CCDC73: variants seen among roughly 807,000 people sequenced by gnomAD.
CCDC73 encodes coiled-coil domain containing 73.
CCDC73 carries 95 observed loss-of-function variants against 116.5 expected under a neutral mutation model. That is an observed-to-expected ratio of 0.82 (90% CI 0.69 to 0.97). The LOEUF is 0.97. Among genes scored for constraint, CCDC73 ranks in the 50% least tolerant of loss-of-function variants. CCDC73 has a pLI of 0.00. For missense variants in CCDC73, 1,066 were observed against 1,206.8 expected (o/e 0.88, Z 1.73); for synonymous variants, 398 against 401.3 (o/e 0.99, Z 0.10).
chr11:32,783,477 G>A (rs1850600330), intron 1 of CCDC73, among the ~76,000 whole-genome samples: 1 of 152,120 alleles, frequency 6.6e-6, no homozygotes, highest in Non-Finnish European at 1.5e-5. Context: ...TATCAGACCA[G>A]GTGGCTTATA....
intron 9 of CCDC73, among the ~76,000 whole-genome samples, chr11:32,670,521 C>CAA (rs11334231): frequency 1.4e-5 from 2 of 138,594 alleles, no homozygotes; most frequent in African/African-American, 5.4e-5. Context: ...GGCTCTGTCT[C>CAA]AAAAAAAAAA....
At chr11:32,809,319 G>C in the CCDC73 span, among the ~76,000 whole-genome samples, 3 of 152,178 alleles carry the variant, frequency 2.0e-5, no homozygotes, top group Admixed American at 1.3e-4. Context: ...AAGCATGGAG[G>C]AGTAGATCCA....
intron 1 of CCDC73, among the ~76,000 whole-genome samples, chr11:32,764,043 C>T (rs757406770): frequency 2.0e-5 from 3 of 151,910 alleles, no homozygotes; most frequent in Admixed American, 6.6e-5. Context: ...TGAAACAAAG[C>T]GAGAAGAGAA....
chr11:32,611,595 C>A (rs894813282), intron 16 of CCDC73, among the ~76,000 whole-genome samples: 3 of 152,098 alleles, frequency 2.0e-5, no homozygotes, highest in Admixed American at 1.3e-4. Context: ...ATTTCCCACA[C>A]ATGTAAGCAT....
intron 2 of CCDC73, among the ~76,000 whole-genome samples, chr11:32,728,544 C>A (rs553115920): frequency 6.6e-6 from 1 of 152,152 alleles, no homozygotes; most frequent in South Asian, 2.1e-4. Flanking sequence ...ATATTTAGAT[C>A]CCAAGATCTG....
rs1206459715 is a variant in CCDC73 at position 32,699,280 on chromosome 11, C to G, written c.361G>C (p.Gly121Arg). The G allele has an allele frequency of 4.4e-6, 7 of 1,577,456 alleles. No homozygotes were observed. The highest frequency in any genetic ancestry group is 2.7e-5 in the African/African-American group (2 of 73,930). The change falls in exon 6 of 18, where the codon GGA becomes CGA. Residue 121 changes from glycine (G) to arginine (R), a missense_variant. Physicochemically the swap from Gly to Arg is moderately radical, Grantham distance 125. Transcript: ENST00000335185. The stretch of plus-strand genomic sequence containing the variant: ...AGTGCTTTTAATGTTTCCTTCAATC[C>G]TTCTATTTCTTTTTCCTTTATTTCT... ...ATEIKEKEIE[G>R]LKETLKALQV...
chr11:32,619,974 C>T (rs778449418), intron 14 of CCDC73, among the ~76,000 whole-genome samples: 12 of 151,954 alleles, frequency 7.9e-5, no homozygotes, highest in South Asian at 6.2e-4. Context: ...GATAAAATGC[C>T]GATGAAAATC....
At chr11:32,655,951 T>C (rs950249591) in intron 9 of CCDC73, among the ~76,000 whole-genome samples, 4 of 152,240 alleles carry the variant, frequency 2.6e-5, no homozygotes, top group Admixed American at 1.3e-4. Context: ...TCTGTGTATA[T>C]TGACTATATT....
chr11:32,700,847 T>C (rs1369182496), intron 4 of CCDC73, 21 bp from the exon 5 acceptor site: 1 of 1,379,728 alleles, frequency 7.2e-7, no homozygotes, highest in African/African-American at 1.5e-5. Context: ...ATTTTAAAAA[T>C]TAAAATAAAG....
chr11:32,637,398 T>C (rs1054013928), intron 13 of CCDC73, among the ~76,000 whole-genome samples: 5 of 152,134 alleles, frequency 3.3e-5, no homozygotes, highest in Admixed American at 3.3e-4. Flanking sequence ...TCTGCCCTCA[T>C]TGTTCTACTG....
intron 2 of CCDC73, among the ~76,000 whole-genome samples, chr11:32,747,654 T>C (rs1225939120): frequency 1.3e-5 from 2 of 152,172 alleles, no homozygotes; most frequent in Non-Finnish European, 2.9e-5. Flanking sequence ...GCCTCAGCAA[T>C]GGCAGATGCC....
At chr11:32,739,004 GGTGT>G (rs879655190) in intron 2 of CCDC73, among the ~76,000 whole-genome samples, 9 of 152,092 alleles carry the variant, frequency 5.9e-5, no homozygotes, top group Non-Finnish European at 1.0e-4. Context: ...GTTCACTATA[GGTGT>G]GTGACTTTGT....
intron 9 of CCDC73, among the ~76,000 whole-genome samples, chr11:32,672,264 C>T (rs1010418104): frequency 6.6e-6 from 1 of 152,130 alleles, no homozygotes; most frequent in Non-Finnish European, 1.5e-5. Context: ...ATGGCTTGAA[C>T]CCAGGAGGCA....
intron 2 of CCDC73, chr11:32,758,345 T>A (rs905641262): frequency 2.4e-5 from 12 of 505,396 alleles, no homozygotes; most frequent in Middle Eastern, 6.8e-4. Flanking sequence ...CCCAAACCCC[T>A]GGTAATAGAA....
At chr11:32,794,421 G>A (rs1485009145) in intron 1 of CCDC73, 192 bp downstream of exon 1, 2 of 152,318 alleles carry the variant, frequency 1.3e-5, no homozygotes, top group Admixed American at 6.5e-5. Flanking sequence ...TGGGTCGGGA[G>A]CGTGGAAGAT....
chr11:32,830,453 C>G, the CCDC73 span: 3 of 1,269,126 alleles, frequency 2.4e-6, no homozygotes, highest in Middle Eastern at 5.8e-4. Context: ...GACAGAAACT[C>G]AAAGTGCTGA....
intron 12 of CCDC73, among the ~76,000 whole-genome samples, chr11:32,647,162 C>G (rs1488754577): frequency 1.3e-5 from 2 of 152,118 alleles, no homozygotes; most frequent in African/African-American, 4.8e-5. Flanking sequence ...GTTTAATTGG[C>G]CCATGGTTCT....
At chr11:32,662,244 C>A (rs1213264531) in intron 9 of CCDC73, among the ~76,000 whole-genome samples, 1 of 152,198 alleles carries the variant, frequency 6.6e-6, no homozygotes, top group Non-Finnish European at 1.5e-5. Context: ...CTTCTAGATC[C>A]TTAAGGAATC....
At chr11:32,740,576 T>G (rs1279293221) in intron 2 of CCDC73, among the ~76,000 whole-genome samples, 1 of 152,086 alleles carries the variant, frequency 6.6e-6, no homozygotes, top group African/African-American at 2.4e-5. Flanking sequence ...TTGGGTCTTT[T>G]CTCTTGTTTT....
Sources: allele counts gnomAD v4.1 joint callset (sites outside exome capture counted in the v4.1 genomes callset), GRCh38; gene constraint gnomAD v4.1.1; transcripts MANE v1.5; gene names NCBI Gene and HGNC (gene_info 2026-07-23, HGNC 2026-07-21).